C8A: variants seen among roughly 807,000 people sequenced by gnomAD.
C8A encodes complement C8 alpha chain, also known as complement component C8 alpha chain.
Under a neutral mutation model 65.3 loss-of-function variants are expected in C8A, and 67 were observed. The ratio of observed to expected loss-of-function variants is 1.03; its 90% CI spans 0.84 to 1.26. The LOEUF (loss-of-function observed/expected upper bound fraction) is 1.26. C8A is among the 50% of genes most tolerant of loss of function. The pLI, the probability that C8A is intolerant of heterozygous loss-of-function variation, is 0.00. For synonymous variants in C8A, 290 were observed against 259.4 expected (o/e 1.12, Z -1.13); for missense variants, 781 against 723.9 (o/e 1.08, Z -0.90).
Position 56,906,798 on chromosome 1 carries a change from T to C in C8A, c.1222+6T>C. The C allele has an allele frequency of 6.2e-7, 1 of 1,614,034 alleles. No individual in the cohort carries two copies. The highest frequency in any genetic ancestry group is 8.5e-7 in the Non-Finnish European group (1 of 1,179,952). ...ATTTGGAGGTGGCAAAACTGGCAAGTGTTTAGTAATAGATCTCCCAAAAAG... is the reference window on the plus strand; with the variant it reads ...ATTTGGAGGTGGCAAAACTGGCAAGCGTTTAGTAATAGATCTCCCAAAAAG... On this transcript the variant is annotated splice_donor_region_variant and intron_variant, in intron 8 of 10. Transcript: ENST00000361249.
At chr1:56,917,535 C>A in intron 10 of C8A, 30 bp from the exon 11 acceptor site, 4 of 1,613,742 alleles carry the variant, frequency 2.5e-6, no homozygotes, top group Non-Finnish European at 3.4e-6. Context: ...ATATGCTAAC[C>A]TTCTCCTCCC....
chr1:56,886,974 A>T (rs1015395244), intron 7 of C8A, among the ~76,000 whole-genome samples: 3 of 152,106 alleles, frequency 2.0e-5, no homozygotes, highest in African/African-American at 7.2e-5. Flanking sequence ...AAAAACTGGG[A>T]ATGGGTCCAG....
chr1:56,861,441 G>A (rs1186698132), intron 1 of C8A, among the ~76,000 whole-genome samples: 1 of 152,084 alleles, frequency 6.6e-6, no homozygotes, highest in African/African-American at 2.4e-5. Context: ...GTGAGAATGA[G>A]TCTGTCTAGC....
chr1:56,917,757 G>T lies in C8A; in HGVS notation c.*41G>T. ...GGCTGGACCAGATGCTGTGGATGTC[G>T]ACCCCTGCACTGACTATTGGATAAA... On this transcript the variant is annotated 3_prime_UTR_variant, in exon 11 of 11. Transcript: ENST00000361249. 1 of 1,610,742 alleles carries T rather than the reference G, an allele frequency of 6.2e-7. No homozygotes were observed. The highest frequency in any genetic ancestry group is 1.1e-5 in the South Asian group (1 of 90,864).
chr1:56,867,200 G>A (rs1391525541), intron 1 of C8A, among the ~76,000 whole-genome samples: 1 of 152,098 alleles, frequency 6.6e-6, no homozygotes, highest in African/African-American at 2.4e-5. Flanking sequence ...AGATGGGAAA[G>A]CTGTAGTTCA....
intron 4 of C8A, among the ~76,000 whole-genome samples, chr1:56,879,537 C>T (rs1644230309): frequency 6.6e-6 from 1 of 152,012 alleles, no homozygotes; most frequent in East Asian, 1.9e-4. Flanking sequence ...GAAACATGTT[C>T]AATGGTCAGG....
chr1:56,897,419 G>A (rs1239052460), intron 7 of C8A, among the ~76,000 whole-genome samples: 1 of 152,182 alleles, frequency 6.6e-6, no homozygotes, highest in Admixed American at 6.5e-5. Context: ...GGTCTTAATA[G>A]CAAATGCTAC....
chr1:56,871,470 C>T (rs1056918364), intron 2 of C8A, among the ~76,000 whole-genome samples: 2 of 152,144 alleles, frequency 1.3e-5, no homozygotes, highest in African/African-American at 4.8e-5. Flanking sequence ...GAGTGTATAT[C>T]AGAAACCAGG....
At chr1:56,862,587 A>G (rs909137487) in intron 1 of C8A, among the ~76,000 whole-genome samples, 1 of 152,150 alleles carries the variant, frequency 6.6e-6, no homozygotes, top group Non-Finnish European at 1.5e-5. Context: ...TCTGCAGGGT[A>G]CATTTTGAGA....
chr1:56,883,336 C>T, intron 5 of C8A, 145 bp from the exon 6 acceptor site: 2 of 699,984 alleles, frequency 2.9e-6, no homozygotes, highest in Admixed American at 4.8e-5. Context: ...AAGTATCAGT[C>T]TAATGACTGG....
chr1:56,864,193 T>A (rs985418254), intron 1 of C8A, among the ~76,000 whole-genome samples: 2 of 152,218 alleles, frequency 1.3e-5, no homozygotes, highest in East Asian at 1.9e-4. Context: ...AAGGAATTGA[T>A]GTTTATGATG....
At chr1:56,891,565 G>A (rs189849467) in intron 7 of C8A, among the ~76,000 whole-genome samples, 10 of 152,280 alleles carry the variant, frequency 6.6e-5, no homozygotes, top group African/African-American at 2.4e-4. Context: ...ATGTCCAGGT[G>A]AGGAATAAAG....
intron 1 of C8A, among the ~76,000 whole-genome samples, chr1:56,861,381 C>A (rs553108575): frequency 6.6e-6 from 1 of 152,182 alleles, no homozygotes; most frequent in Non-Finnish European, 1.5e-5. Context: ...GAAGAGGGAC[C>A]AAACAGGAGG....
Position 56,908,074 on chromosome 1 carries a change from G to A in C8A, c.1341G>A (p.Gly447=). Residue 447 remains glycine, a synonymous_variant, in exon 9 of 11, where the codon GGG becomes GGA. Transcript: ENST00000361249. ...GCACCATTACATACCGTTCCTGGGGGAGGTCATTAAAGTATAATCCTGTTG... is the reference window on the plus strand; with the variant it reads ...GCACCATTACATACCGTTCCTGGGGAAGGTCATTAAAGTATAATCCTGTTG... The part of the protein sequence containing the change: ...NRSTITYRSW[G]RSLKYNPVVI... 1.9e-6 allele frequency: 3 copies of A among 1,614,174 alleles called. No homozygotes were observed. Among genetic ancestry groups the A allele is most frequent in the Non-Finnish European group, 2.5e-6 (3 of 1,180,020 alleles).
At position 56,889,500 on chromosome 1, in the gene C8A, G is replaced by A. The variant is rs967521676; in HGVS notation, c.1096+3333G>A. ...ATTCTCTTCCCCTCGGTCTCATTCC[G>A]TTTCTTTCTAGGTACCTTTCTCTCT... On this transcript the variant is annotated intron_variant, in intron 7 of 10. Coordinates refer to ENST00000361249, the MANE Select transcript of C8A (RefSeq NM_000562.3). 5.3e-5 allele frequency among the ~76,000 whole-genome samples: 8 copies of A among 151,840 alleles called. No individual in the cohort carries two copies. The East Asian group carries it at 7.7e-4, about 15-fold the overall frequency.
At chr1:56,893,964 C>A (rs1190849225) in intron 7 of C8A, among the ~76,000 whole-genome samples, 1 of 152,134 alleles carries the variant, frequency 6.6e-6, no homozygotes, top group Admixed American at 6.6e-5. Flanking sequence ...GTTGTTGTAA[C>A]CTTGAGGTGA....
At position 56,908,058 on chromosome 1, in the gene C8A, C is replaced by G. The variant is rs141579711; in HGVS notation, c.1325C>G (p.Thr442Arg). 1 of 1,614,048 alleles carries G rather than the reference C, an allele frequency of 6.2e-7. No homozygotes were observed. Among genetic ancestry groups the G allele is most frequent in the African/African-American group, 1.3e-5 (1 of 74,920 alleles). The change falls in exon 9 of 11, where the codon ACA (threonine) becomes AGA (arginine). Residue 442 changes from threonine to arginine, a missense_variant. Coordinates refer to ENST00000361249, the MANE Select transcript of C8A (RefSeq NM_000562.3). ...TTGGCACAGAACAGGAGCACCATTA[C>G]ATACCGTTCCTGGGGGAGGTCATTA... ...GGLAQNRSTI[T>R]YRSWGRSLKY... is the part of the protein sequence containing the mutation.
At chr1:56,867,383 A>T (rs1644100938) in intron 1 of C8A, among the ~76,000 whole-genome samples, 1 of 152,226 alleles carries the variant, frequency 6.6e-6, no homozygotes. Flanking sequence ...TAATAATTTG[A>T]TGCATGGGGG....
chr1:56,870,008 G>T (rs1237809423), intron 2 of C8A, among the ~76,000 whole-genome samples: 5 of 152,112 alleles, frequency 3.3e-5, no homozygotes, highest in Non-Finnish European at 5.9e-5. Context: ...CCTGAAATTT[G>T]TTATTCTGCC....
Sources: allele counts gnomAD v4.1 joint callset (sites outside exome capture counted in the v4.1 genomes callset), GRCh38; gene constraint gnomAD v4.1.1; transcripts MANE v1.5; gene names NCBI Gene and HGNC (gene_info 2026-07-23, HGNC 2026-07-21).